Variants in GUCA1A observed in about 807,000 individuals in gnomAD.
The protein encoded by GUCA1A is guanylyl cyclase-activating protein 1.
In GUCA1A, 14 loss-of-function variants were observed where a neutral mutation model predicts 18.5. The ratio of observed to expected loss-of-function variants is 0.76; its 90% CI spans 0.50 to 1.18. The LOEUF is 1.18. Among genes scored for constraint, GUCA1A ranks in the 50% most tolerant of loss-of-function variants. The pLI, the probability that GUCA1A is intolerant of heterozygous loss-of-function variation, is 0.00. For synonymous variants in GUCA1A, 97 were observed against 100.2 expected (o/e 0.97, Z 0.19); for missense variants, 264 against 262.4 (o/e 1.01, Z -0.04).
intron 1 of GUCA1A, among the ~76,000 whole-genome samples, chr6:42,178,004 G>C (rs1157797722): frequency 6.6e-6 from 1 of 152,222 alleles, no homozygotes; most frequent in African/African-American, 2.4e-5. Flanking sequence ...AACAGACAGC[G>C]CCAGCCATTC....
At chr6:42,177,274 GAC>G (rs1241613121) in intron 1 of GUCA1A, among the ~76,000 whole-genome samples, 2 of 152,118 alleles carry the variant, frequency 1.3e-5, no homozygotes, top group African/African-American at 2.4e-5. Flanking sequence ...TCAAACTAGA[GAC>G]AAAAATATTC....
In GUCA1A at chr6:42,178,430, G is replaced by A; in HGVS notation, c.351+1G>A. 1 of 1,613,600 alleles carries A rather than the reference G, an allele frequency of 6.2e-7. No homozygotes were observed. Among genetic ancestry groups the A allele is most frequent in the Non-Finnish European group, 8.5e-7 (1 of 1,179,688 alleles). ...CGATGAGCTGCTCACCATCATCCAG[G>A]TGCAGAGGGCCCGGCCAGGGCTGGG... On this transcript the variant is annotated splice_donor_variant, in intron 2 of 3. Coordinates refer to ENST00000372958, the MANE Select transcript of GUCA1A (RefSeq NM_001384910.1). LOFTEE classifies it high-confidence loss of function.
chr6:42,175,261 C>T (rs1008852886), intron 1 of GUCA1A, among the ~76,000 whole-genome samples: 1 of 150,704 alleles, frequency 6.6e-6, no homozygotes, highest in Non-Finnish European at 1.5e-5. Context: ...GACATGTCTG[C>T]AGAAGGACCC....
chr6:42,177,153 A>T lies in GUCA1A; in HGVS notation c.202-1127A>T, dbSNP rs142341932. ...TCTGACAATCACACAGGTGCACACA[A>T]ATCAATGCAAATCTCCATCTGCATT... On this transcript the variant is annotated intron_variant, in intron 1 of 3. Coordinates refer to ENST00000372958, the MANE Select transcript of GUCA1A (RefSeq NM_001384910.1). Among the ~76,000 whole-genome samples, 181 of 152,278 alleles carry T rather than the reference A, an allele frequency of 1.2e-3. 1 individual carries two copies. In the East Asian group the frequency reaches 0.03, roughly 26 times the overall value.
Position 42,179,626 on chromosome 6 carries a change from C to A in GUCA1A, c.*223C>A, listed in dbSNP as rs1248247192. On this transcript the variant is annotated 3_prime_UTR_variant, in exon 4 of 4. Coordinates refer to ENST00000372958, the MANE Select transcript of GUCA1A (RefSeq NM_001384910.1). ...TGAGTGACAGCTGGTGGCAGCACTC[C>A]TTGCTGGGGGGCACTGTTCAACATC... The A allele has an allele frequency of 4.0e-6, 2 of 501,052 alleles. No individual in the cohort carries two copies. Among genetic ancestry groups the A allele is most frequent in the African/African-American group, 1.9e-5 (1 of 51,804 alleles). The allele number at this position is 501,052 out of a possible 1,614,324, so 31.0% of individuals were successfully genotyped here. A position where few individuals can be genotyped will look rare whatever the true frequency, so the allele number is the denominator to read the frequency against.
At chr6:42,178,161 C>T in intron 1 of GUCA1A, 119 bp from the exon 2 acceptor site, 2 of 1,194,336 alleles carry the variant, frequency 1.7e-6, no homozygotes, top group Non-Finnish European at 2.5e-6. Context: ...TCCGGGTCTC[C>T]CCTCAGCGTC....
In GUCA1A at chr6:42,179,484, G is replaced by A. The variant is rs546664317; in HGVS notation, c.*81G>A. 32 of 1,208,466 alleles carry A rather than the reference G, an allele frequency of 2.6e-5. No individual in the cohort carries two copies. The Admixed American group carries it at 4.7e-4, about 18-fold the overall frequency. The allele number at this position is 1,208,466 out of a possible 1,614,324, so 74.9% of individuals were successfully genotyped here. A position where few individuals can be genotyped will look rare whatever the true frequency, so the allele number is the denominator to read the frequency against. The stretch of plus-strand genomic sequence containing the variant: ...TGGTGGTGTTCTTGTCTTAACCCTA[G>A]ATAGAATCTAATGAACTCAGAGGCT... On this transcript the variant is annotated 3_prime_UTR_variant, in exon 4 of 4. Coordinates refer to ENST00000372958, the MANE Select transcript of GUCA1A (RefSeq NM_001384910.1).
intron 1 of GUCA1A, among the ~76,000 whole-genome samples, chr6:42,176,041 G>A (rs530009775): frequency 8.5e-5 from 13 of 152,186 alleles, no homozygotes; most frequent in East Asian, 3.9e-4. Flanking sequence ...TCACCATTAC[G>A]TTTATCGCCT....
At position 42,179,411 on chromosome 6, in the gene GUCA1A, G is replaced by T; in HGVS notation, c.*8G>T. 1 of 1,575,326 alleles carries T rather than the reference G, an allele frequency of 6.3e-7. No individual in the cohort carries two copies. Among genetic ancestry groups the T allele is most frequent in the Non-Finnish European group, 8.6e-7 (1 of 1,158,118 alleles). Reference sequence around the variant, plus strand: ...GCTGAGGCAGCCGGCTGAGTGCACCGCCCGGCTGCTTCTGCACTAGCGGGT... The same window carrying T: ...GCTGAGGCAGCCGGCTGAGTGCACCTCCCGGCTGCTTCTGCACTAGCGGGT... On this transcript the variant is annotated 3_prime_UTR_variant, in exon 4 of 4. Transcript: ENST00000372958.
rs2113837805 is a variant in GUCA1A, at chr6:42,178,403, CGCGATGAGCT to C, written c.328_337del (p.Asp110SerfsTer18). ...TGTAGATGGCAACGGCTGCATTGAC[CGCGATGAGCT>C]GCTCACCATCATCCAGGTGCAGAGG... On this transcript the variant is annotated frameshift_variant, in exon 2 of 4. Transcript: ENST00000372958. LOFTEE classifies it high-confidence loss of function. 6.2e-7 allele frequency: 1 copy of C among 1,614,046 alleles called. No homozygotes were observed. The highest frequency in any genetic ancestry group is 8.5e-7 in the Non-Finnish European group (1 of 1,179,936).
At chr6:42,175,071 A>G (rs1237345566) in intron 1 of GUCA1A, among the ~76,000 whole-genome samples, 1 of 152,230 alleles carries the variant, frequency 6.6e-6, no homozygotes, top group Non-Finnish European at 1.5e-5. Context: ...CAGAGTCCAG[A>G]GCCTGTGTAC....
chr6:42,178,653 G>C (rs753764672), intron 2 of GUCA1A, 149 bp from the exon 3 acceptor site: 9 of 821,280 alleles, frequency 1.1e-5, no homozygotes, highest in African/African-American at 3.3e-5. Flanking sequence ...TTTGACTCTT[G>C]AGTCCCAGCT....
intron 2 of GUCA1A, 54 bp from the exon 3 acceptor site, chr6:42,178,748 C>T (rs373691537): frequency 7.3e-7 from 1 of 1,372,286 alleles, no homozygotes; most frequent in East Asian, 2.3e-5. Flanking sequence ...AATCCTACCC[C>T]TGAGATAGGA....
intron 1 of GUCA1A, among the ~76,000 whole-genome samples, chr6:42,176,418 T>C (rs998426218): frequency 9.6e-5 from 14 of 145,438 alleles, no homozygotes; most frequent in African/African-American, 4.0e-4. Context: ...GTTGTTGTTG[T>C]TGTTTTGTTT....
chr6:42,177,786 G>A (rs1767996273), intron 1 of GUCA1A, among the ~76,000 whole-genome samples: 1 of 152,192 alleles, frequency 6.6e-6, no homozygotes, highest in Non-Finnish European at 1.5e-5. Flanking sequence ...GGGGTTCAGA[G>A]TGTTTAAGGC....
chr6:42,173,817 G>A lies in GUCA1A; in HGVS notation c.201+3G>A. On this transcript the variant is annotated splice_donor_region_variant and intron_variant, in intron 1 of 3. Coordinates refer to ENST00000372958, the MANE Select transcript of GUCA1A (RefSeq NM_001384910.1). ...TTGAGACTTTTGACTTCAACAAGGT[G>A]AGCAGGGGCCCAGTGGCAGGGAGGG... The A allele has an allele frequency of 2.5e-6, 4 of 1,610,260 alleles. No individual in the cohort carries two copies. In the Admixed American group the frequency reaches 5.0e-5, roughly 20 times the overall value.
chr6:42,175,353 CTTTTTTTTTTTTT>C (rs10559617), intron 1 of GUCA1A, among the ~76,000 whole-genome samples: 1 of 63,900 alleles, frequency 1.6e-5, no homozygotes. Context: ...CTAATCATGT[CTTTTTTTTTTTTT>C]TTTTTTTTTT....
chr6:42,177,450 CT>C (rs769624241), intron 1 of GUCA1A, among the ~76,000 whole-genome samples: 2 of 151,964 alleles, frequency 1.3e-5, no homozygotes, highest in Non-Finnish European at 2.9e-5. Context: ...CATTTTATAC[CT>C]GGGAATACGG....
chr6:42,175,732 C>G (rs1767942813), intron 1 of GUCA1A, among the ~76,000 whole-genome samples: 1 of 152,164 alleles, frequency 6.6e-6, no homozygotes, highest in Non-Finnish European at 1.5e-5. Flanking sequence ...CCTTGTCTTT[C>G]CACTGAAAGT....
Sources: allele counts gnomAD v4.1 joint callset (sites outside exome capture counted in the v4.1 genomes callset), GRCh38; gene constraint gnomAD v4.1.1; transcripts MANE v1.5; gene names NCBI Gene and HGNC (gene_info 2026-07-23, HGNC 2026-07-21).